Variants in DYTN observed in about 807,000 individuals in gnomAD.
DYTN encodes dystrotelin.
In DYTN, 75 loss-of-function variants were observed where a neutral mutation model predicts 69.6. The ratio of observed to expected loss-of-function variants is 1.08; its 90% confidence interval spans 0.89 to 1.31. The LOEUF is 1.31. Among genes scored for constraint, DYTN ranks in the 50% most tolerant of loss-of-function variants. The probability of loss-of-function intolerance (pLI) is 0.00; values close to 1 mark genes in which losing one functional copy is unlikely to be tolerated. For missense variants in DYTN, 726 were observed against 688.4 expected, an observed-to-expected ratio of 1.05 and a Z score of -0.61; for synonymous variants, 252 against 249.1, an observed-to-expected ratio of 1.01 and a Z score of -0.11.
chr2:206,713,122 T>C (rs776780977), intron 1 of DYTN, among the ~76,000 whole-genome samples: 3 of 152,266 alleles, frequency 2.0e-5, no homozygotes, highest in Admixed American at 1.3e-4. Context: ...TTTGTTTTAA[T>C]TGACAAATAA....
chr2:206,716,915 A>G (rs948797534), intron 1 of DYTN, among the ~76,000 whole-genome samples: 23 of 152,238 alleles, frequency 1.5e-4, no homozygotes, highest in African/African-American at 4.8e-4. Context: ...TCATCTGATG[A>G]AGTTAGGCAG....
chr2:206,651,876 C>T lies in DYTN; in HGVS notation c.1679G>A (p.Arg560Gln), dbSNP rs750363921. 1.9e-6 allele frequency: 3 copies of T among 1,613,520 alleles called. No individual in the cohort carries two copies. Among genetic ancestry groups the T allele is most frequent in the Admixed American group, 1.7e-5 (1 of 59,988 alleles). The change falls in exon 12 of 12, where the codon CGA becomes CAA. Residue 560 changes from arginine to glutamine, a missense_variant. Coordinates refer to ENST00000452335, the MANE Select transcript of DYTN (RefSeq NM_001093730.1). The stretch of plus-strand genomic sequence containing the variant: ...AAGGGCAGAGAAGGCCCTGCACACT[C>T]GCTGAGCTCCACTGTACAGGTCCAT... ...VNMDLYSGAQRVCRAFSALVD... is the reference protein window; with the variant it reads ...VNMDLYSGAQQVCRAFSALVD...
At chr2:206,717,077 C>T (rs1401341654) in intron 1 of DYTN, among the ~76,000 whole-genome samples, 1 of 139,216 alleles carries the variant, frequency 7.2e-6, no homozygotes, top group Non-Finnish European at 1.6e-5. Flanking sequence ...CACACACACA[C>T]AAAACAAACT....
chr2:206,684,715 G>C (rs1484566195), intron 9 of DYTN, among the ~76,000 whole-genome samples: 1 of 152,056 alleles, frequency 6.6e-6, no homozygotes, highest in African/African-American at 2.4e-5. Flanking sequence ...TACATATTTT[G>C]TGTATTTTCC....
intron 7 of DYTN, among the ~76,000 whole-genome samples, chr2:206,696,089 G>A (rs920360678): frequency 3.3e-5 from 5 of 152,222 alleles, no homozygotes; most frequent in Admixed American, 6.5e-5. Flanking sequence ...GAGAAGAGGG[G>A]TATAGCAGGG....
Position 206,710,547 on chromosome 2 carries a change from T to A in DYTN, c.71A>T (p.Gln24Leu), listed in dbSNP as rs1440172151. The A allele has an allele frequency of 1.2e-6, 2 of 1,612,378 alleles. No individual in the cohort carries two copies. The highest frequency in any genetic ancestry group is 4.5e-5 in the East Asian group (2 of 44,840). The stretch of plus-strand genomic sequence containing the variant: ...ACACTGGCACAGAGTTTGCACTGAT[T>A]GTAATTTGAAGGCTGTTCTATAAAT... Reference protein sequence around the residue: ...NSIYRTAFKLQSVQTLCQLDL... With the variant: ...NSIYRTAFKLLSVQTLCQLDL... Residue 24 changes from glutamine (Q) to leucine (L), a missense_variant, in exon 2 of 12, where the codon CAA becomes CTA. By Grantham distance (113) the Gln-to-Leu change is moderately radical. Transcript: ENST00000452335.
rs1368499119 is a variant in DYTN at position 206,707,429 on chromosome 2, G to C, written c.169C>G (p.Leu57Val). Residue 57 changes from leucine to valine, a missense_variant, in exon 3 of 12, where the codon CTT becomes GTT. Leu to Val is a conservative substitution (Grantham distance 32). Coordinates refer to ENST00000452335, the MANE Select transcript of DYTN (RefSeq NM_001093730.1). ...GCCTGAGAAAGTTGCTGCACAGAAA[G>C]GGAGTGCTTGCGAGCTTCCCAGAAA... ...PSFWEARKHS[L>V]SVQQLSQALQ... The C allele has an allele frequency of 1.2e-6, 2 of 1,613,196 alleles. No homozygotes were observed. The highest frequency in any genetic ancestry group is 1.7e-6 in the Non-Finnish European group (2 of 1,179,640).
intron 7 of DYTN, among the ~76,000 whole-genome samples, chr2:206,695,143 C>G (rs1280594216): frequency 6.6e-6 from 1 of 152,046 alleles, no homozygotes; most frequent in Non-Finnish European, 1.5e-5. Context: ...GATTTATTTC[C>G]CAAAATACGA....
At chr2:206,662,034 G>GAGCCACAGCTCCCAGTC (rs1699518112) in intron 11 of DYTN, among the ~76,000 whole-genome samples, 2 of 152,202 alleles carry the variant, frequency 1.3e-5, no homozygotes, top group African/African-American at 2.4e-5. Flanking sequence ...CAGCAGCAGT[G>GAGCCACAGCTCCCAGTC]AGCCACAGCT....
chr2:206,690,992 A>T (rs1480246676), intron 9 of DYTN, among the ~76,000 whole-genome samples: 2 of 152,202 alleles, frequency 1.3e-5, no homozygotes, highest in African/African-American at 4.8e-5. Context: ...TGGGAAAACG[A>T]TGGAGGAATT....
chr2:206,700,354 T>C, intron 5 of DYTN, 138 bp from the exon 6 acceptor site: 2 of 895,030 alleles, frequency 2.2e-6, no homozygotes, highest in East Asian at 2.5e-5. Flanking sequence ...ACTGTCTCAA[T>C]CCAAGAGAAC....
intron 9 of DYTN, among the ~76,000 whole-genome samples, chr2:206,671,502 T>A (rs990835592): frequency 6.6e-6 from 1 of 152,334 alleles, no homozygotes; most frequent in African/African-American, 2.4e-5. Flanking sequence ...CTTTACATTA[T>A]TTTTAAAATA....
At chr2:206,710,039 C>A (rs1157757230) in intron 2 of DYTN, among the ~76,000 whole-genome samples, 2 of 152,166 alleles carry the variant, frequency 1.3e-5, no homozygotes, top group East Asian at 3.8e-4. Flanking sequence ...TTTTAAAATT[C>A]ATGGTCCATG....
intron 11 of DYTN, among the ~76,000 whole-genome samples, chr2:206,660,463 T>C (rs1699499805): frequency 6.6e-6 from 1 of 152,208 alleles, no homozygotes; most frequent in African/African-American, 2.4e-5. Flanking sequence ...TTTTAGAAAT[T>C]ATCAGCTTTC....
intron 11 of DYTN, among the ~76,000 whole-genome samples, chr2:206,657,427 G>A (rs1699462566): frequency 6.6e-6 from 1 of 152,122 alleles, no homozygotes; most frequent in Admixed American, 6.5e-5. Flanking sequence ...ACAGATGTGA[G>A]CCACCACATC....
intron 1 of DYTN, among the ~76,000 whole-genome samples, chr2:206,716,693 T>C (rs140776099): frequency 6.6e-6 from 1 of 152,138 alleles, no homozygotes; most frequent in Non-Finnish European, 1.5e-5. Flanking sequence ...AGGGTGGAAA[T>C]AATTTACAAT....
chr2:206,704,291 T>G (rs1053956046), intron 5 of DYTN, among the ~76,000 whole-genome samples: 1 of 152,124 alleles, frequency 6.6e-6, no homozygotes, highest in African/African-American at 2.4e-5. Flanking sequence ...GATTGAGAGA[T>G]ATTGAAAGAG....
intron 9 of DYTN, among the ~76,000 whole-genome samples, chr2:206,668,600 C>T (rs1240375125): frequency 6.6e-6 from 1 of 152,138 alleles, no homozygotes; most frequent in Non-Finnish European, 1.5e-5. Context: ...GGCTAAGCAG[C>T]TTGAATCTCC....
intron 7 of DYTN, among the ~76,000 whole-genome samples, chr2:206,697,170 C>T (rs945929763): frequency 6.6e-6 from 1 of 152,158 alleles, no homozygotes; most frequent in Non-Finnish European, 1.5e-5. Context: ...ATATGCTGCT[C>T]TATCCTTAAA....
Sources: allele counts gnomAD v4.1 joint callset (sites outside exome capture counted in the v4.1 genomes callset), GRCh38; gene constraint gnomAD v4.1.1; transcripts MANE v1.5; gene names NCBI Gene and HGNC (gene_info 2026-07-23, HGNC 2026-07-21).